The following COL13A1 variants were observed in gnomAD, a reference collection of about 807,000 sequenced individuals.
The protein encoded by COL13A1 is collagen alpha-1(XIII) chain.
COL13A1 carries 89 observed loss-of-function variants against 130.9 expected under a neutral mutation model. The observed-to-expected ratio is 0.68, with a 90% confidence interval of 0.57 to 0.81. The LOEUF is 0.81. COL13A1 is among the 30% of genes least tolerant of loss of function. COL13A1 has a pLI of 0.00. For synonymous variants in COL13A1, 402 were observed against 341.6 expected, an observed-to-expected ratio of 1.18 and a Z score of -1.95; for missense variants, 879 against 934.6, an observed-to-expected ratio of 0.94 and a Z score of 0.78.
intron 2 of COL13A1, chr10:69,824,038 A>G: frequency 2.1e-6 from 1 of 467,676 alleles, no homozygotes; most frequent in South Asian, 1.6e-5. Flanking sequence ...GGTCAAGGGC[A>G]GGATATTTGA....
At chr10:69,858,268 A>G (rs896358990) in intron 2 of COL13A1, among the ~76,000 whole-genome samples, 2 of 152,128 alleles carry the variant, frequency 1.3e-5, no homozygotes, top group Non-Finnish European at 1.5e-5. Context: ...TGTCATAGCT[A>G]TATTTATTGA....
chr10:69,897,519 A>G, intron 13 of COL13A1: 1 of 1,613,884 alleles, frequency 6.2e-7, no homozygotes, highest in Non-Finnish European at 8.5e-7. Context: ...CCAGCCAAAT[A>G]ATTGCCCTGA....
At chr10:69,874,928 A>C (rs1042237136) in intron 4 of COL13A1, among the ~76,000 whole-genome samples, 200 bp from the exon 5 acceptor site, 3 of 152,228 alleles carry the variant, frequency 2.0e-5, no homozygotes, top group Non-Finnish European at 1.5e-5. Context: ...TAGCCATAGC[A>C]GTGGCTGCTT....
In COL13A1 at chr10:69,918,241, C is replaced by T. The variant is rs2274182; in HGVS notation, c.967-44C>T. The T allele has an allele frequency of 0.045, 71,616 of 1,596,290 alleles. 2,251 individuals carry two copies. The highest frequency in any genetic ancestry group is 0.17 in the East Asian group (7,601 of 44,542). On this transcript the variant is annotated intron_variant, in intron 18 of 40. Coordinates refer to ENST00000645393, the MANE Select transcript of COL13A1 (RefSeq NM_001368882.1). ...TGCCCCCCGCCCCCTGCTGCCCCCT[C>T]GCTGCAGAATGTCTTCAGACCTTTT...
Position 69,947,830 on chromosome 10 carries a change from G to C in COL13A1, c.2058+488G>C, listed in dbSNP as rs2068781387. Among the ~76,000 whole-genome samples, 3 of 152,198 alleles carry C rather than the reference G, an allele frequency of 2.0e-5. No homozygotes were observed. In the South Asian group the frequency reaches 6.2e-4, roughly 32 times the overall value. On this transcript the variant is annotated intron_variant, in intron 38 of 40. Coordinates refer to ENST00000645393, the MANE Select transcript of COL13A1 (RefSeq NM_001368882.1). Reference sequence around the variant, plus strand: ...AAATATTACAGCCACTATTTCTCTTGGAAAGAGTCGGCAGGGCTCTGAAAG... The same window carrying C: ...AAATATTACAGCCACTATTTCTCTTCGAAAGAGTCGGCAGGGCTCTGAAAG...
chr10:69,953,982 C>T (rs1407498092), intron 39 of COL13A1: 14 of 152,968 alleles, frequency 9.2e-5, no homozygotes, highest in Non-Finnish European at 1.5e-5. Context: ...AAAGGGGAGC[C>T]GGGGTTACCA....
intron 2 of COL13A1, among the ~76,000 whole-genome samples, chr10:69,824,660 G>T (rs1847046908): frequency 6.6e-6 from 1 of 152,172 alleles, no homozygotes; most frequent in South Asian, 2.1e-4. Context: ...AGAAGAAAGG[G>T]CTTGACCTTG....
chr10:69,819,618 A>G (rs1845524468), intron 1 of COL13A1, among the ~76,000 whole-genome samples: 1 of 152,136 alleles, frequency 6.6e-6, no homozygotes, highest in South Asian at 2.1e-4. Context: ...ACCCTGATCA[A>G]GGCTGCTTCC....
intron 10 of COL13A1, among the ~76,000 whole-genome samples, chr10:69,889,657 G>A (rs951586845): frequency 7.9e-5 from 12 of 152,224 alleles, no homozygotes; most frequent in African/African-American, 2.9e-4. Flanking sequence ...GCATGAGGAT[G>A]GGAGATCCAG....
chr10:69,948,810 C>T (rs2068934173), intron 38 of COL13A1, among the ~76,000 whole-genome samples: 1 of 151,156 alleles, frequency 6.6e-6, no homozygotes, highest in Admixed American at 6.6e-5. Flanking sequence ...GACAAGTACC[C>T]TTGTCACAGA....
Position 69,924,983 on chromosome 10 carries a change from A to G in COL13A1, c.1305A>G (p.Gly435=). 1 of 1,594,518 alleles carries G rather than the reference A, an allele frequency of 6.3e-7. No homozygotes were observed. ...AACAGGGGGAGCGTGGAGCAGCTGGAGAACAGGGACCAGATGGCCCCAAGG... is the reference window on the plus strand; with the variant it reads ...AACAGGGGGAGCGTGGAGCAGCTGGGGAACAGGGACCAGATGGCCCCAAGG... The part of the protein sequence containing the change: ...PGDKGERGAA[G]EQGPDGPKGS... Residue 435 remains glycine, a synonymous_variant, in exon 25 of 41, where the codon GGA becomes GGG. Coordinates refer to ENST00000645393, the MANE Select transcript of COL13A1 (RefSeq NM_001368882.1).
At chr10:69,835,724 C>A (rs1340569009) in intron 2 of COL13A1, among the ~76,000 whole-genome samples, 2 of 152,196 alleles carry the variant, frequency 1.3e-5, no homozygotes, top group East Asian at 1.9e-4. Flanking sequence ...CCCAGGGACC[C>A]AAGTGCTACC....
intron 2 of COL13A1, among the ~76,000 whole-genome samples, chr10:69,836,970 T>TG (rs1850249365): frequency 1.2e-5 from 1 of 84,258 alleles, no homozygotes. Context: ...GGAGGGAGGG[T>TG]GGGGCGGGTC....
intron 2 of COL13A1, among the ~76,000 whole-genome samples, chr10:69,865,041 C>T (rs563102538): frequency 3.3e-5 from 5 of 152,330 alleles, no homozygotes; most frequent in African/African-American, 4.8e-5. Flanking sequence ...TGTGGTAGTA[C>T]GGGCAGTACC....
intron 2 of COL13A1, among the ~76,000 whole-genome samples, chr10:69,822,846 C>T (rs926032143): frequency 2.0e-5 from 3 of 152,200 alleles, no homozygotes; most frequent in Admixed American, 2.0e-4. Flanking sequence ...TGTTTGTTAC[C>T]TGAATGAATG....
At chr10:69,838,302 A>G (rs1850639398) in intron 2 of COL13A1, among the ~76,000 whole-genome samples, 1 of 152,224 alleles carries the variant, frequency 6.6e-6, no homozygotes, top group African/African-American at 2.4e-5. Context: ...CACCCAGCCA[A>G]TGCTGGAAAC....
intron 38 of COL13A1, among the ~76,000 whole-genome samples, chr10:69,948,411 A>G (rs909625960): frequency 6.6e-6 from 1 of 152,300 alleles, no homozygotes; most frequent in African/African-American, 2.4e-5. Flanking sequence ...GCAGCTGGTC[A>G]AAAGCAACTC....
intron 1 of COL13A1, among the ~76,000 whole-genome samples, chr10:69,822,041 A>T (rs751244114): frequency 4.6e-5 from 7 of 152,190 alleles, no homozygotes; most frequent in Non-Finnish European, 8.8e-5. Flanking sequence ...CAATTAGCAG[A>T]GAGCTGAGAA....
chr10:69,918,365 A>G (rs1335513613), intron 19 of COL13A1, 48 bp downstream of exon 19: 1 of 1,598,122 alleles, frequency 6.3e-7, no homozygotes, highest in Non-Finnish European at 8.6e-7. Flanking sequence ...GTGGGAGAGA[A>G]GAGAGCGGGC....
Sources: allele counts gnomAD v4.1 joint callset (sites outside exome capture counted in the v4.1 genomes callset), GRCh38; gene constraint gnomAD v4.1.1; transcripts MANE v1.5; gene names NCBI Gene and HGNC (gene_info 2026-07-23, HGNC 2026-07-21).